The following PHF8 variants were observed in gnomAD, a reference collection of about 807,000 sequenced individuals.
PHF8 encodes PHD finger protein 8, also known as histone lysine demethylase PHF8.
Under a neutral mutation model 74.4 loss-of-function variants are expected in PHF8, and 9 were observed. The observed-to-expected ratio is 0.12, with a 90% CI of 0.07 to 0.21. The LOEUF is 0.21. PHF8 is among the 10% of genes least tolerant of loss of function. PHF8 has a pLI of 1.00. For missense variants in PHF8, 478 were observed against 816.6 expected, an observed-to-expected ratio of 0.59 and a Z score of 5.05; for synonymous variants, 311 against 316.6, an observed-to-expected ratio of 0.98 and a Z score of 0.19.
intron 18 of PHF8, among the ~76,000 whole-genome samples, chrX:53,981,017 G>A (rs964233053): frequency 4.5e-5 from 5 of 112,113 alleles, no homozygotes; most frequent in African/African-American, 1.6e-4. Context: ...GTTCAAGACC[G>A]GCCTGGCCAA....
chrX:53,994,313 GT>G (rs1392361317), intron 12 of PHF8, among the ~76,000 whole-genome samples: 8 of 112,359 alleles, frequency 7.1e-5, no homozygotes, highest in Admixed American at 5.7e-4. Flanking sequence ...ATTTGAGACT[GT>G]TTGCTTAGCT....
chrX:53,985,114 G>A lies in PHF8; in HGVS notation c.2243C>T (p.Thr748Ile), dbSNP rs1557099137. 1 of 1,210,130 alleles carries A rather than the reference G, an allele frequency of 8.3e-7. No individual in the cohort carries two copies. The highest frequency in any genetic ancestry group is 1.1e-6 in the Non-Finnish European group (1 of 894,424). ...CCCACTGCTTCGATCCTGTCCCCCA[G>A]TCCACCAGGCCTGCAGGCTAGAGGT... is the stretch of plus-strand genomic sequence containing the variant. ...PATSSLQAWWTGGQDRSSGSS... is the reference protein window; with the variant it reads ...PATSSLQAWWIGGQDRSSGSS... The change falls in exon 18 of 22, where the codon ACT (threonine) becomes ATT (isoleucine). Residue 748 changes from threonine (T) to isoleucine (I), a missense_variant. Thr to Ile is a moderately conservative substitution (Grantham distance 89, BLOSUM62 -1). This residue lies in a region of PHF8 where 51 missense variants were observed against 45.8 expected (regional missense o/e 1.11). Transcript: ENST00000338154.
rs1557082292 is a variant in PHF8 at position 53,938,036 on chromosome X, T to C, written c.*1122A>G. On this transcript the variant is annotated 3_prime_UTR_variant, in exon 22 of 22. Transcript: ENST00000338154. ...GGGCTCGTGAATGGCCTGTCTGCAT[T>C]CTGCTTGAACGATGACCTGTCGTCT... 10 of 1,165,458 alleles carry C rather than the reference T, an allele frequency of 8.6e-6. No individual in the cohort carries two copies. The South Asian group carries it at 1.9e-4, about 22-fold the overall frequency.
intron 6 of PHF8, 22 bp downstream of exon 6, chrX:54,016,573 T>C (rs1273307751): frequency 2.5e-6 from 3 of 1,189,460 alleles, no homozygotes; most frequent in Admixed American, 2.2e-5. Context: ...TCAGGTTTTT[T>C]TGTTATTCCT....
At chrX:53,967,382 C>A (rs2065221784) in intron 18 of PHF8, among the ~76,000 whole-genome samples, 1 of 106,831 alleles carries the variant, frequency 9.4e-6, no homozygotes, top group Non-Finnish European at 2.0e-5. Context: ...CAGCCCCCCG[C>A]CCGGCCAGCC....
At chrX:54,016,545 C>G in intron 6 of PHF8, 50 bp downstream of exon 6, 1 of 1,079,715 alleles carries the variant, frequency 9.3e-7, no homozygotes, top group African/African-American at 1.8e-5. Flanking sequence ...ATATATCACA[C>G]AAGTTTCAGG....
intron 18 of PHF8, among the ~76,000 whole-genome samples, chrX:53,972,321 CAAAA>C (rs1236817498): frequency 2.9e-5 from 1 of 34,159 alleles, no homozygotes; most frequent in African/African-American, 1.0e-4. Context: ...GACGCTGTCT[CAAAA>C]AAAAAAAAAA....
chrX:53,996,230 C>A (rs1477868594), intron 11 of PHF8, among the ~76,000 whole-genome samples: 2 of 110,230 alleles, frequency 1.8e-5, no homozygotes, highest in Non-Finnish European at 3.8e-5. Context: ...GATTCTCCTG[C>A]CTCAGCCTCC....
At chrX:54,037,368 C>T (rs1180830814) in intron 2 of PHF8, among the ~76,000 whole-genome samples, 1 of 111,474 alleles carries the variant, frequency 9.0e-6, no homozygotes, top group African/African-American at 3.3e-5. Flanking sequence ...CCACCTCAGC[C>T]TCCCGGGCAG....
upstream of PHF8, among the ~76,000 whole-genome samples, chrX:54,046,118 T>A (rs2066632209): frequency 9.0e-6 from 1 of 110,754 alleles, no homozygotes; most frequent in African/African-American, 3.3e-5. Flanking sequence ...TCGGTTATTT[T>A]TTATTTTTTA....
intron 3 of PHF8, 81 bp from the exon 4 acceptor site, chrX:54,022,448 T>C: frequency 1.5e-6 from 1 of 648,504 alleles, no homozygotes; most frequent in Non-Finnish European, 2.6e-6. Context: ...CAGCAGATCC[T>C]TCTCTTCCAA....
intron 19 of PHF8, among the ~76,000 whole-genome samples, chrX:53,949,013 G>A (rs781928895): frequency 9.2e-5 from 10 of 108,899 alleles, no homozygotes; most frequent in East Asian, 2.9e-4. Context: ...CAACAAGAGC[G>A]AAACTCCGTC....
chrX:53,972,001 A>G (rs1300154921), intron 18 of PHF8, among the ~76,000 whole-genome samples: 3 of 111,476 alleles, frequency 2.7e-5, no homozygotes, highest in Admixed American at 9.6e-5. Context: ...CATCATCCTG[A>G]TACCAAAACC....
At chrX:54,037,000 T>TAAAAAAAAAAA (rs56902207) in intron 2 of PHF8, among the ~76,000 whole-genome samples, 3 of 63,187 alleles carry the variant, frequency 4.7e-5, no homozygotes, top group Admixed American at 2.1e-4. Context: ...TCAGAAAAAA[T>TAAAAAAAAAAA]AAAAAAAAAA....
At chrX:53,992,076 C>T (rs191714277) in intron 14 of PHF8, among the ~76,000 whole-genome samples, 20 of 112,120 alleles carry the variant, frequency 1.8e-4, no homozygotes, top group Admixed American at 1.2e-3. Flanking sequence ...CTTTTCCATA[C>T]GTGCATACAT....
chrX:53,970,693 A>G (rs1341487923), intron 18 of PHF8, among the ~76,000 whole-genome samples: 1 of 111,447 alleles, frequency 9.0e-6, no homozygotes, highest in Non-Finnish European at 1.9e-5. Context: ...AGGGGTCACA[A>G]TCCTAGTTTC....
intron 18 of PHF8, among the ~76,000 whole-genome samples, chrX:53,983,385 TGAAAGACTGAATGGAAAATTCACA>T (rs1557098610): frequency 9.0e-6 from 1 of 110,572 alleles, no homozygotes; most frequent in Non-Finnish European, 1.9e-5. Flanking sequence ...GAAAAATGGG[TGAAAGACTGAATGGAAAATTCACA>T]GAAAAGGAAT....
intron 11 of PHF8, among the ~76,000 whole-genome samples, chrX:53,998,358 G>T (rs1345274095): frequency 9.0e-6 from 1 of 111,337 alleles, no homozygotes; most frequent in Non-Finnish European, 1.9e-5. Context: ...GGAGGCTGAG[G>T]CACGAGAATC....
chrX:53,955,655 T>C (rs1252569729), intron 19 of PHF8, among the ~76,000 whole-genome samples: 1 of 106,968 alleles, frequency 9.3e-6, no homozygotes, highest in African/African-American at 3.4e-5. Flanking sequence ...AGTGGGCACA[T>C]TAGTCTTATT....
Sources: allele counts gnomAD v4.1 joint callset (sites outside exome capture counted in the v4.1 genomes callset), GRCh38; gene constraint gnomAD v4.1.1; regional missense constraint gnomAD v4.1.1; transcripts MANE v1.5; gene names NCBI Gene and HGNC (gene_info 2026-07-23, HGNC 2026-07-21).